The following SLC38A11 variants were observed in gnomAD, a reference collection of about 807,000 sequenced individuals.
SLC38A11 encodes the protein solute carrier family 38 member 11.
SLC38A11 carries 51 observed loss-of-function variants against 49.4 expected under a neutral mutation model. That is an observed-to-expected ratio of 1.03 (90% confidence interval 0.83 to 1.30). The LOEUF is 1.30. Among genes scored for constraint, SLC38A11 ranks in the 50% most tolerant of loss-of-function variants. The pLI, the probability that SLC38A11 is intolerant of heterozygous loss-of-function variation, is 0.00. For synonymous variants in SLC38A11, 203 were observed against 192.9 expected, an observed-to-expected ratio of 1.05 and a Z score of -0.43; for missense variants, 574 against 556.2, an observed-to-expected ratio of 1.03 and a Z score of -0.32.
intron 2 of SLC38A11, chr2:164,953,209 G>T (rs1473530015): frequency 6.5e-6 from 1 of 154,548 alleles, no homozygotes; most frequent in East Asian, 1.9e-4. Context: ...AAGAAAGACA[G>T]ACTCTGGAGT....
intron 5 of SLC38A11, among the ~76,000 whole-genome samples, chr2:164,942,120 A>C (rs903263518): frequency 6.6e-6 from 1 of 152,178 alleles, no homozygotes. Context: ...AAATACAGTA[A>C]TAAAATATAT....
chr2:164,925,232 C>T (rs1013516228), intron 7 of SLC38A11, among the ~76,000 whole-genome samples: 1 of 152,124 alleles, frequency 6.6e-6, no homozygotes, highest in Admixed American at 6.5e-5. Context: ...GTGTTTACCT[C>T]TGTGGGTTTG....
At chr2:164,954,767 A>G (rs746817329) in intron 1 of SLC38A11, 22 bp from the exon 2 acceptor site, 3 of 1,266,776 alleles carry the variant, frequency 2.4e-6, no homozygotes, top group South Asian at 2.9e-5. Context: ...AATAGCAATT[A>G]TAAGCAAATA....
At chr2:164,932,522 A>G (rs1687075403) in intron 7 of SLC38A11, among the ~76,000 whole-genome samples, 1 of 152,186 alleles carries the variant, frequency 6.6e-6, no homozygotes, top group African/African-American at 2.4e-5. Flanking sequence ...GGATAAAGAA[A>G]ATGTGGTACA....
At position 164,945,670 on chromosome 2, in the gene SLC38A11, T is replaced by G. The variant is rs755458271; in HGVS notation, c.287A>C (p.Gln96Pro). The G allele has an allele frequency of 3.1e-6, 5 of 1,612,026 alleles. No homozygotes were observed. The Admixed American group carries it at 8.4e-5, about 27-fold the overall frequency. ...GCCGAAAGTTTTATTGACCAAAGAC[T>G]GGTAGGTATCTGTTCCAGAGAGGGC... ...GGALSGTDTY[Q>P]SLVNKTFGFP... The change falls in exon 4 of 12, where the codon CAG (glutamine) becomes CCG (proline). Residue 96 changes from glutamine (Q) to proline (P), a missense_variant. Coordinates refer to ENST00000685975, the MANE Select transcript of SLC38A11 (RefSeq NM_001351537.2).
chr2:164,954,025 G>A (rs1688690708), intron 2 of SLC38A11, among the ~76,000 whole-genome samples: 1 of 151,834 alleles, frequency 6.6e-6, no homozygotes, highest in Non-Finnish European at 1.5e-5. Flanking sequence ...CTGATTGTAT[G>A]GCTCCTTTAT....
At position 164,895,941 on chromosome 2, in the gene SLC38A11, T is replaced by C. The variant is rs1684370371; in HGVS notation, c.*2496A>G. 1.3e-5 allele frequency among the ~76,000 whole-genome samples: 2 copies of C among 152,218 alleles called. No individual in the cohort carries two copies. Among genetic ancestry groups the C allele is most frequent in the South Asian group, 4.1e-4 (2 of 4,830 alleles). ...ATGTTCTCATTTGTGTGTAAAGATG[T>C]GATTCTTGCCTACCACCACCTTTTT... On this transcript the variant is annotated 3_prime_UTR_variant, in exon 12 of 12. Coordinates refer to ENST00000685975, the MANE Select transcript of SLC38A11 (RefSeq NM_001351537.2).
In SLC38A11 at chr2:164,898,651, T is replaced by C; in HGVS notation, c.1175A>G (p.His392Arg). Residue 392 changes from histidine (H) to arginine (R), a missense_variant, in exon 12 of 12, where the codon CAC becomes CGC. Transcript: ENST00000685975. ...GACACAAGACATAATCTTATCGGAG[T>C]GTGTCCTTGGTTCTTCAGACAGTTT... The part of the protein sequence containing the change: ...YLKLSEEPRT[H>R]SDKIMSCVML... 1.9e-6 allele frequency: 3 copies of C among 1,613,414 alleles called. No individual in the cohort carries two copies. The highest frequency in any genetic ancestry group is 2.5e-6 in the Non-Finnish European group (3 of 1,179,678).
rs539317915 is a variant in SLC38A11, at chr2:164,896,501, T to C, written c.*1936A>G. On this transcript the variant is annotated 3_prime_UTR_variant, in exon 12 of 12. Transcript: ENST00000685975. Reference sequence around the variant, plus strand: ...TAATAATTATGTAGGTCAGTGTTTCTCAGTCTTGAGCAATGTAATGACAGA... The same window carrying C: ...TAATAATTATGTAGGTCAGTGTTTCCCAGTCTTGAGCAATGTAATGACAGA... 1.3e-5 allele frequency: 2 copies of C among 152,296 alleles called. No homozygotes were observed. The highest frequency in any genetic ancestry group is 4.8e-5 in the African/African-American group (2 of 41,576). The allele number at this position is 152,296 out of a possible 1,614,324, so 9.4% of individuals were successfully genotyped here.
At chr2:164,939,623 G>T in intron 5 of SLC38A11, 67 bp from the exon 6 acceptor site, 1 of 967,996 alleles carries the variant, frequency 1.0e-6, no homozygotes, top group Non-Finnish European at 1.5e-6. Context: ...CACTAAATAG[G>T]CCAGCATTTA....
chr2:164,923,268 A>T (rs1686337718), intron 7 of SLC38A11, among the ~76,000 whole-genome samples: 1 of 152,236 alleles, frequency 6.6e-6, no homozygotes, highest in Non-Finnish European at 1.5e-5. Flanking sequence ...AAAAGAAACT[A>T]TCAACAGAAT....
chr2:164,948,888 CTT>C (rs67268569), intron 3 of SLC38A11, among the ~76,000 whole-genome samples: 12 of 136,184 alleles, frequency 8.8e-5, no homozygotes, highest in African/African-American at 2.4e-4. Context: ...TGCTAACTCA[CTT>C]TTTTTTTTTT....
intron 1 of SLC38A11, 131 bp downstream of exon 1, chr2:164,955,078 C>A: frequency 7.8e-6 from 6 of 769,202 alleles, no homozygotes; most frequent in Non-Finnish European, 1.2e-5. Flanking sequence ...TAAGGCAAAA[C>A]TTTTTGTCCC....
chr2:164,936,598 T>C (rs1483703344), intron 7 of SLC38A11, among the ~76,000 whole-genome samples: 5 of 152,192 alleles, frequency 3.3e-5, no homozygotes, highest in South Asian at 2.1e-4. Context: ...ATTCAACTAA[T>C]ATTTATTGTG....
At chr2:164,928,882 A>G (rs146812034) in intron 7 of SLC38A11, among the ~76,000 whole-genome samples, 20 of 152,146 alleles carry the variant, frequency 1.3e-4, no homozygotes, top group Non-Finnish European at 2.1e-4. Flanking sequence ...AGGACAAAGT[A>G]TCTTAGCTCC....
chr2:164,915,195 A>C lies in SLC38A11; in HGVS notation c.767T>G (p.Ile256Ser). The C allele has an allele frequency of 6.2e-7, 1 of 1,612,724 alleles. No homozygotes were observed. The change falls in exon 9 of 12, where the codon ATC becomes AGC. Residue 256 changes from isoleucine (I) to serine (S), a missense_variant. Coordinates refer to ENST00000685975, the MANE Select transcript of SLC38A11 (RefSeq NM_001351537.2). ...TACAGAAATCACGATGGACATATGG[A>C]TAAGGCGGGACCACTTAGCTACTGT... Reference protein sequence around the residue: ...EPTVAKWSRLIHMSIVISVFI... With the variant: ...EPTVAKWSRLSHMSIVISVFI...
chr2:164,931,975 A>G (rs892713431), intron 7 of SLC38A11, among the ~76,000 whole-genome samples: 2 of 152,218 alleles, frequency 1.3e-5, no homozygotes, highest in African/African-American at 2.4e-5. Context: ...CAATCAACAA[A>G]GTGAACAGAC....
intron 7 of SLC38A11, among the ~76,000 whole-genome samples, chr2:164,932,692 CA>C (rs1227926532): frequency 6.6e-6 from 1 of 152,092 alleles, no homozygotes; most frequent in African/African-American, 2.4e-5. Context: ...GATCACAACA[CA>C]TGGACACAGA....
intron 11 of SLC38A11, among the ~76,000 whole-genome samples, chr2:164,901,705 A>G (rs1684660284): frequency 2.0e-5 from 3 of 152,164 alleles, no homozygotes; most frequent in Admixed American, 1.3e-4. Flanking sequence ...GCAAATAGAA[A>G]TAACTTTACT....
Sources: allele counts gnomAD v4.1 joint callset (sites outside exome capture counted in the v4.1 genomes callset), GRCh38; gene constraint gnomAD v4.1.1; transcripts MANE v1.5; gene names NCBI Gene and HGNC (gene_info 2026-07-23, HGNC 2026-07-21).